RPF2: variants seen among roughly 807,000 people sequenced by gnomAD.
RPF2 encodes ribosome production factor 2 homolog, also known as brix domain containing 1.
RPF2 carries 21 observed loss-of-function variants against 38.9 expected under a neutral mutation model. The ratio of observed to expected loss-of-function variants is 0.54; its 90% CI spans 0.38 to 0.78. The LOEUF (loss-of-function observed/expected upper bound fraction) is 0.78, where lower values mean the gene tolerates loss of function less well. Among genes scored for constraint, RPF2 ranks in the 30% least tolerant of loss-of-function variants. The pLI is 0.00. For synonymous variants in RPF2, 121 were observed against 126.2 expected, an observed-to-expected ratio of 0.96 and a Z score of 0.28; for missense variants, 314 against 358.1, an observed-to-expected ratio of 0.88 and a Z score of 0.99.
intron 2 of RPF2, among the ~76,000 whole-genome samples, chr6:110,986,519 G>GGAAAGGT (rs1287309830): frequency 2.0e-5 from 3 of 152,198 alleles, no homozygotes; most frequent in Non-Finnish European, 2.9e-5. Context: ...AGGTTTGGAG[G>GGAAAGGT]GAAAGGTGAA....
At chr6:110,982,198 T>C in intron 1 of RPF2, 69 bp downstream of exon 1, 2 of 1,535,716 alleles carry the variant, frequency 1.3e-6, no homozygotes, top group Non-Finnish European at 1.8e-6. Context: ...GGTGGTACTG[T>C]CTCGGCCTCT....
intron 3 of RPF2, among the ~76,000 whole-genome samples, chr6:110,989,823 A>G (rs534284137): frequency 3.1e-3 from 467 of 152,140 alleles, no homozygotes; most frequent in Non-Finnish European, 4.5e-3. Context: ...GGGTTTCACC[A>G]TGTTGGCCAG....
chr6:110,982,970 T>A (rs1202970918), intron 1 of RPF2, among the ~76,000 whole-genome samples: 1 of 152,228 alleles, frequency 6.6e-6, no homozygotes, highest in Non-Finnish European at 1.5e-5. Flanking sequence ...AAAGATAGAA[T>A]AATTTGTATC....
Position 110,988,898 on chromosome 6 carries a change from C to T in RPF2, c.157-130C>T, listed in dbSNP as rs1433234672. The T allele has an allele frequency of 4.3e-6, 5 of 1,150,832 alleles. No homozygotes were observed. The Admixed American group carries it at 1.4e-4, about 32-fold the overall frequency. 71.3% of individuals were successfully genotyped at this position (1,150,832 alleles called of 1,614,324 possible). ...TTACTGTAAGTGATGAAAAGGGAGC[C>T]AGGCAGAAGCCCTCAGAATAAGATT... On this transcript the variant is annotated intron_variant, in intron 2 of 9. Coordinates refer to ENST00000441448, the MANE Select transcript of RPF2 (RefSeq NM_032194.3).
intron 4 of RPF2, among the ~76,000 whole-genome samples, chr6:110,994,404 T>C (rs1377907675): frequency 6.6e-6 from 1 of 152,008 alleles, no homozygotes; most frequent in East Asian, 1.9e-4. Context: ...AGGCAACATA[T>C]TGAGATCCCA....
chr6:110,982,523 T>TACGGCGACCA, intron 1 of RPF2: 7 of 228,788 alleles, frequency 3.1e-5, no homozygotes, highest in South Asian at 1.5e-4. Flanking sequence ...TATCTCTAAA[T>TACGGCGACCA]CTTAGCTTAT....
chr6:111,008,404 C>G (rs1771954117), intron 7 of RPF2, among the ~76,000 whole-genome samples: 2 of 149,534 alleles, frequency 1.3e-5, no homozygotes, highest in Non-Finnish European at 1.5e-5. Flanking sequence ...TTTTTTGGAC[C>G]TTTCTCTTTT....
At chr6:110,992,173 G>A (rs1771632302) in intron 4 of RPF2, among the ~76,000 whole-genome samples, 1 of 152,040 alleles carries the variant, frequency 6.6e-6, no homozygotes, top group African/African-American at 2.4e-5. Flanking sequence ...AGCCGGGCGT[G>A]ATGGCACATG....
At chr6:111,025,228 A>G (rs1026248558) in intron 9 of RPF2, among the ~76,000 whole-genome samples, 175 bp from the exon 10 acceptor site, 1 of 152,212 alleles carries the variant, frequency 6.6e-6, no homozygotes, top group Non-Finnish European at 1.5e-5. Context: ...CAAGATCCCA[A>G]GTGATTTGTA....
chr6:110,984,370 G>GA (rs916959938), intron 1 of RPF2, among the ~76,000 whole-genome samples: 4 of 150,412 alleles, frequency 2.7e-5, no homozygotes, highest in Admixed American at 6.6e-5. Flanking sequence ...AAGAGTAAGA[G>GA]AAAAAAAACA....
At chr6:111,016,170 G>C (rs1033337002) in intron 8 of RPF2, among the ~76,000 whole-genome samples, 11 of 152,150 alleles carry the variant, frequency 7.2e-5, no homozygotes, top group African/African-American at 2.4e-4. Context: ...TCCTTGGCTA[G>C]GCAAAGCAAA....
chr6:110,982,100 G>A lies in RPF2; in HGVS notation c.-7G>A, dbSNP rs760655108. The A allele has an allele frequency of 6.2e-7, 1 of 1,614,234 alleles. No individual in the cohort carries two copies. Among genetic ancestry groups the A allele is most frequent in the Admixed American group, 1.7e-5 (1 of 60,030 alleles). ...CCCCTGGTTAAGAGTTGCAGGTAGC[G>A]GTAGCGATGGACACTCTGGATCGAG... On this transcript the variant is annotated 5_prime_UTR_variant, in exon 1 of 10. Coordinates refer to ENST00000441448, the MANE Select transcript of RPF2 (RefSeq NM_032194.3).
At chr6:111,002,570 C>T (rs776057045) in intron 6 of RPF2, among the ~76,000 whole-genome samples, 3 of 152,008 alleles carry the variant, frequency 2.0e-5, no homozygotes, top group South Asian at 2.1e-4. Context: ...TGAGTTCAAG[C>T]GATCCTCCCG....
chr6:111,024,091 A>G, intron 8 of RPF2, 92 bp from the exon 9 acceptor site: 3 of 1,083,308 alleles, frequency 2.8e-6, no homozygotes, highest in Non-Finnish European at 4.0e-6. Context: ...ATATCATTTA[A>G]TGGAATTGTA....
chr6:110,986,965 A>G (rs954231324), intron 2 of RPF2, among the ~76,000 whole-genome samples: 7 of 151,958 alleles, frequency 4.6e-5, no homozygotes, highest in African/African-American at 1.7e-4. Context: ...TAAAAAAAAA[A>G]AAAAGACATA....
In RPF2 at chr6:111,026,160, T is replaced by C. The variant is rs1027286497; in HGVS notation, c.*578T>C. 13 of 152,322 alleles carry C rather than the reference T, an allele frequency of 8.5e-5. No individual in the cohort carries two copies. Among genetic ancestry groups the C allele is most frequent in the African/African-American group, 2.7e-4 (11 of 41,458 alleles). 9.4% of individuals were successfully genotyped at this position (152,322 alleles called of 1,614,324 possible). A position where few individuals can be genotyped will look rare whatever the true frequency, so the allele number is the denominator to read the frequency against. On this transcript the variant is annotated 3_prime_UTR_variant, in exon 10 of 10. Coordinates refer to ENST00000441448, the MANE Select transcript of RPF2 (RefSeq NM_032194.3). ...TGTTGATTGTTTTAAGAGACTCTAC[T>C]ACTAAGTAGAGCCCACCCCGCTTCT...
In RPF2 at chr6:110,999,714, G is replaced by A. The variant is rs1342302724; in HGVS notation, c.320G>A (p.Arg107His). 1.2e-5 allele frequency: 19 copies of A among 1,596,814 alleles called. No individual in the cohort carries two copies. Among genetic ancestry groups the A allele is most frequent in the South Asian group, 2.2e-5 (2 of 90,666 alleles). ...KKRPNNLVIGRMYDYHVLDMI... is the reference protein window; with the variant it reads ...KKRPNNLVIGHMYDYHVLDMI... Reference sequence around the variant, plus strand: ...TAAAAATACATTTTCCTTCCAGGTCGTATGTATGACTACCATGTGCTGGAT... The same window carrying A: ...TAAAAATACATTTTCCTTCCAGGTCATATGTATGACTACCATGTGCTGGAT... The change falls in exon 6 of 10, where the codon CGT becomes CAT. Residue 107 changes from arginine to histidine, a missense_variant. Arg to His is a conservative substitution (Grantham distance 29, BLOSUM62 0). Transcript: ENST00000441448.
chr6:111,027,670 TG>T lies in RPF2; in HGVS notation c.*2089del. ...ATGTGAGACGTCTTAAGGGTGTTTT[TG>T]TTTGTTTTAATCAGCCCTCTTGTTT... is the stretch of plus-strand genomic sequence containing the variant. On this transcript the variant is annotated 3_prime_UTR_variant, in exon 10 of 10. Coordinates refer to ENST00000441448, the MANE Select transcript of RPF2 (RefSeq NM_032194.3). The T allele has an allele frequency of 6.6e-6, 1 of 152,344 alleles. No individual in the cohort carries two copies. The highest frequency in any genetic ancestry group is 3.4e-3 in the Middle Eastern group (1 of 294). 9.4% of individuals were successfully genotyped at this position (152,344 alleles called of 1,614,324 possible).
At chr6:111,014,330 C>T (rs1160256741) in intron 7 of RPF2, among the ~76,000 whole-genome samples, 2 of 152,016 alleles carry the variant, frequency 1.3e-5, no homozygotes, top group South Asian at 2.1e-4. Context: ...GATAGGGTTT[C>T]ACTGTGTTAG....
Sources: allele counts gnomAD v4.1 joint callset (sites outside exome capture counted in the v4.1 genomes callset), GRCh38; gene constraint gnomAD v4.1.1; transcripts MANE v1.5; gene names NCBI Gene and HGNC (gene_info 2026-07-23, HGNC 2026-07-21).